Variants in FHIT observed in about 807,000 individuals in gnomAD.
FHIT encodes fragile histidine triad diadenosine triphosphatase.
FHIT carries 19 observed loss-of-function variants against 17.9 expected under a neutral mutation model. That is an observed-to-expected ratio of 1.06 (90% CI 0.74 to 1.56). The LOEUF is 1.56. Ranked by LOEUF, FHIT falls within the 40% of genes most tolerant of loss-of-function variation. The pLI is 0.00. For synonymous variants in FHIT, 81 were observed against 69.7 expected (o/e 1.16, Z -0.81); for missense variants, 248 against 189.2 (o/e 1.31, Z -1.82).
intron 4 of FHIT, among the ~76,000 whole-genome samples, chr3:60,794,703 T>G (rs1344066655): frequency 2.0e-5 from 3 of 152,230 alleles, no homozygotes; most frequent in Non-Finnish European, 4.4e-5. Flanking sequence ...ATCTGATAAA[T>G]TGTTTATTAA....
chr3:59,861,279 C>T (rs1193510356), intron 8 of FHIT, among the ~76,000 whole-genome samples: 4 of 152,122 alleles, frequency 2.6e-5, no homozygotes, highest in Admixed American at 1.3e-4. Flanking sequence ...AAGATTGAGA[C>T]GTCAGTTATA....
At chr3:59,785,960 A>G (rs567820640) in intron 8 of FHIT, among the ~76,000 whole-genome samples, 3 of 152,306 alleles carry the variant, frequency 2.0e-5, no homozygotes, top group Non-Finnish European at 2.9e-5. Context: ...CGCTTAGAGG[A>G]TCTGTCATGG....
chr3:60,631,428 T>A (rs1008612947), intron 4 of FHIT, among the ~76,000 whole-genome samples: 3 of 152,128 alleles, frequency 2.0e-5, no homozygotes, highest in Middle Eastern at 3.2e-3. Flanking sequence ...TTATTCTGAT[T>A]TACATCTAGG....
chr3:60,501,296 CTTAT>C (rs139299061), intron 5 of FHIT, among the ~76,000 whole-genome samples: 14,403 of 152,140 alleles, frequency 0.095, 771 homozygotes, highest in South Asian at 0.2. Flanking sequence ...CACTATTTAT[CTTAT>C]TTGAGTTACA....
chr3:60,202,700 G>A (rs1007798272), intron 5 of FHIT, among the ~76,000 whole-genome samples: 9 of 152,236 alleles, frequency 5.9e-5, no homozygotes, highest in Non-Finnish European at 7.4e-5. Flanking sequence ...GTCCCTACCA[G>A]CCAGCCTAAA....
intron 7 of FHIT, among the ~76,000 whole-genome samples, chr3:59,996,446 AG>A (rs1175059181): frequency 6.6e-6 from 1 of 152,094 alleles, no homozygotes; most frequent in East Asian, 1.9e-4. Context: ...GGTAAGCCTC[AG>A]GGGAATAGGA....
At chr3:61,237,086 C>T (rs1021742933) in intron 1 of FHIT, among the ~76,000 whole-genome samples, 14 of 152,130 alleles carry the variant, frequency 9.2e-5, no homozygotes, top group African/African-American at 3.1e-4. Context: ...CAACAAATTA[C>T]CTGCATTTTT....
chr3:60,314,147 G>A (rs1376514217), intron 5 of FHIT, among the ~76,000 whole-genome samples: 1 of 152,136 alleles, frequency 6.6e-6, no homozygotes, highest in Non-Finnish European at 1.5e-5. Context: ...AAGTCTTGCT[G>A]CGTAAATGCA....
intron 8 of FHIT, among the ~76,000 whole-genome samples, chr3:59,828,708 G>T (rs1313379245): frequency 1.3e-5 from 2 of 152,080 alleles, no homozygotes; most frequent in African/African-American, 4.8e-5. Context: ...TCATATCTTT[G>T]GTTAAGGCAG....
chr3:60,558,903 C>G (rs1329702543), intron 4 of FHIT, among the ~76,000 whole-genome samples: 2 of 152,162 alleles, frequency 1.3e-5, no homozygotes, highest in Non-Finnish European at 2.9e-5. Flanking sequence ...TGAGATGGTT[C>G]GATCCATTTC....
intron 5 of FHIT, among the ~76,000 whole-genome samples, chr3:60,161,474 T>A (rs776900102): frequency 3.3e-5 from 5 of 152,178 alleles, no homozygotes; most frequent in Non-Finnish European, 5.9e-5. Context: ...AAATGCCAAG[T>A]CTACCCTTAA....
chr3:60,211,130 A>C (rs1478048863), intron 5 of FHIT, among the ~76,000 whole-genome samples: 1 of 151,524 alleles, frequency 6.6e-6, no homozygotes, highest in Non-Finnish European at 1.5e-5. Flanking sequence ...ATCATTCTAG[A>C]AAGTGCAACT....
At chr3:61,007,720 G>C (rs529030273) in intron 3 of FHIT, among the ~76,000 whole-genome samples, 1 of 152,176 alleles carries the variant, frequency 6.6e-6, no homozygotes, top group Non-Finnish European at 1.5e-5. Context: ...AGCTGTTGAT[G>C]TTCCACTCAG....
intron 3 of FHIT, among the ~76,000 whole-genome samples, chr3:61,010,650 A>G (rs2031737905): frequency 6.6e-6 from 1 of 152,196 alleles, no homozygotes; most frequent in Non-Finnish European, 1.5e-5. Flanking sequence ...TCCTTAGACT[A>G]CAAGCTTTCT....
intron 2 of FHIT, among the ~76,000 whole-genome samples, chr3:61,193,195 C>T (rs1461485300): frequency 6.6e-6 from 1 of 152,136 alleles, no homozygotes; most frequent in Non-Finnish European, 1.5e-5. Flanking sequence ...AAGTGTTGTT[C>T]TTTGATCTGT....
intron 5 of FHIT, among the ~76,000 whole-genome samples, chr3:60,503,838 G>A (rs1284188612): frequency 6.6e-6 from 1 of 152,130 alleles, no homozygotes. Context: ...AAGATTAACA[G>A]GGATTATCTC....
intron 3 of FHIT, among the ~76,000 whole-genome samples, chr3:60,895,664 T>G (rs1242718009): frequency 7.5e-6 from 1 of 132,554 alleles, no homozygotes; most frequent in Non-Finnish European, 1.5e-5. Flanking sequence ...CTTCCTTCCT[T>G]CCTTTCTTTC....
At chr3:60,092,911 T>A (rs562424579) in intron 5 of FHIT, among the ~76,000 whole-genome samples, 3 of 152,242 alleles carry the variant, frequency 2.0e-5, no homozygotes, top group South Asian at 4.2e-4. Flanking sequence ...CTAAACATAT[T>A]TCAAGCTGGA....
intron 4 of FHIT, among the ~76,000 whole-genome samples, chr3:60,785,334 G>T (rs941219906): frequency 2.0e-5 from 3 of 152,186 alleles, no homozygotes; most frequent in Non-Finnish European, 2.9e-5. Flanking sequence ...AATAGAAAAT[G>T]TAACAATAGG....
Sources: gnomAD v4.1 joint callset for allele counts (sites outside exome capture counted in the v4.1 genomes callset) on GRCh38, gnomAD v4.1.1 for gene constraint, MANE v1.5 for transcripts, NCBI Gene and HGNC (gene_info 2026-07-23, HGNC 2026-07-21) for gene names.